The following SAMD9 variants were observed in gnomAD, a reference collection of about 807,000 sequenced individuals.
SAMD9 encodes the protein sterile alpha motif domain containing 9.
A neutral mutation model predicts 1.5 loss-of-function variants in SAMD9; 3 were observed. That is an observed-to-expected ratio of 2.05 (90% CI 0.93 to 5.29). SAMD9 has a LOEUF of 5.29. Among genes scored for constraint, SAMD9 ranks in the 30% most tolerant of loss-of-function variants. SAMD9 has a pLI of 0.02. For missense variants in SAMD9, 1,597 were observed against 1,820.8 expected, an observed-to-expected ratio of 0.88 and a Z score of 2.24; for synonymous variants, 635 against 631.9, an observed-to-expected ratio of 1.00 and a Z score of -0.07.
At chr7:93,109,695 G>T (rs1791706376) in intron 2 of SAMD9, among the ~76,000 whole-genome samples, 1 of 152,210 alleles carries the variant, frequency 6.6e-6, no homozygotes, top group Non-Finnish European at 1.5e-5. Flanking sequence ...TCAAGTGGAA[G>T]AAAGGGTATC....
chr7:93,102,364 T>G lies in SAMD9; in HGVS notation c.3734A>C (p.Glu1245Ala). The change falls in exon 3 of 3, where the codon GAA (glutamate) becomes GCA (alanine). Residue 1245 changes from glutamate to alanine, a missense_variant. Physicochemically the swap from Glu to Ala is moderately radical, Grantham distance 107 (BLOSUM62 -1). This residue lies in a region of SAMD9 where 682 missense variants were observed against 810.0 expected (regional missense o/e 0.84). Coordinates refer to ENST00000379958, the MANE Select transcript of SAMD9 (RefSeq NM_017654.4). ...ATAGTTTTTGAGGGCTAATTTATAT[T>G]CATTGTTTGGATCCCCTGGAATATC... is the stretch of plus-strand genomic sequence containing the variant. Reference protein sequence around the residue: ...SSDIPGDPNNEYKLALKNYIP... With the variant: ...SSDIPGDPNNAYKLALKNYIP... 6.2e-7 allele frequency: 1 copy of G among 1,608,870 alleles called. No individual in the cohort carries two copies. Among genetic ancestry groups the G allele is most frequent in the South Asian group, 1.1e-5 (1 of 90,790 alleles).
In SAMD9 at chr7:93,103,604, T is replaced by A. The variant is rs1189365918; in HGVS notation, c.2494A>T (p.Ile832Phe). ...YIRYEKPLVI[I>F]LNCMRSQNPE... ...TTTTGTGATCTCATACAATTTAGGATAATCACCAGAGGTTTTTCATATCGA... is the reference window on the plus strand; with the variant it reads ...TTTTGTGATCTCATACAATTTAGGAAAATCACCAGAGGTTTTTCATATCGA... The change falls in exon 3 of 3, where the codon ATC becomes TTC. Residue 832 changes from isoleucine to phenylalanine, a missense_variant. By Grantham distance (21) the Ile-to-Phe change is conservative. Transcript: ENST00000379958. 1.2e-6 allele frequency: 2 copies of A among 1,613,516 alleles called. No homozygotes were observed. The highest frequency in any genetic ancestry group is 1.7e-6 in the Non-Finnish European group (2 of 1,179,678).
chr7:93,114,042 A>G (rs1210917021), intron 2 of SAMD9, among the ~76,000 whole-genome samples: 2 of 152,136 alleles, frequency 1.3e-5, no homozygotes, highest in Non-Finnish European at 2.9e-5. Context: ...AAGACTTGGA[A>G]CCAACCCAAA....
intron 1 of SAMD9, among the ~76,000 whole-genome samples, chr7:93,117,077 T>C (rs951710067): frequency 2.6e-5 from 4 of 152,188 alleles, no homozygotes; most frequent in African/African-American, 9.7e-5. Context: ...AGACTTCCCA[T>C]AGTAGTCTAT....
chr7:93,110,045 G>T (rs1178147889), intron 2 of SAMD9, among the ~76,000 whole-genome samples: 1 of 152,096 alleles, frequency 6.6e-6, no homozygotes, highest in Non-Finnish European at 1.5e-5. Context: ...AAATATTAAG[G>T]GCAGCCAGAA....
chr7:93,115,038 G>A (rs1357080951), intron 1 of SAMD9, 143 bp from the exon 2 acceptor site: 2 of 152,256 alleles, frequency 1.3e-5, no homozygotes, highest in South Asian at 2.1e-4. Context: ...TTTGGGGTTG[G>A]GTTTAAGGAT....
intron 2 of SAMD9, among the ~76,000 whole-genome samples, chr7:93,109,514 T>C (rs1791703060): frequency 6.6e-6 from 1 of 152,178 alleles, no homozygotes; most frequent in South Asian, 2.1e-4. Flanking sequence ...TTCTCTGAGC[T>C]AAAGGAGGAT....
rs1158393438 is a variant in SAMD9 at position 93,101,508 on chromosome 7, TA to T, written c.4589del (p.Leu1530TyrfsTer12). On this transcript the variant is annotated frameshift_variant, in exon 3 of 3. Coordinates refer to ENST00000379958, the MANE Select transcript of SAMD9 (RefSeq NM_017654.4). LOFTEE classifies it low-confidence loss of function (END_TRUNC). ...AACAATTGTTTTCAGCTCGACCTTGTAAACGAAGCAAAAGTTCTTGGACTTT... is the reference window on the plus strand; with the variant it reads ...AACAATTGTTTTCAGCTCGACCTTGTAACGAAGCAAAAGTTCTTGGACTTT... Reference protein sequence around the residue: ...EEKVQELLLRLQGRAENNCLY... With the variant: ...EEKVQELLLRXQGRAENNCLY... The T allele has an allele frequency of 5.0e-6, 8 of 1,613,840 alleles. No homozygotes were observed. The highest frequency in any genetic ancestry group is 6.8e-6 in the Non-Finnish European group (8 of 1,179,780).
In SAMD9 at chr7:93,104,082, G is replaced by A. The variant is rs1791586463; in HGVS notation, c.2016C>T (p.Phe672=). Residue 672 remains phenylalanine, a synonymous_variant, in exon 3 of 3, where the codon TTC becomes TTT. Coordinates refer to ENST00000379958, the MANE Select transcript of SAMD9 (RefSeq NM_017654.4). ...GTLLEKDKNK[F]LEFKASKEED... ...CCTCTTTTGATGCCTTGAATTCAAG[G>A]AATTTATTTTTGTCCTTCTCTAACA... 6.2e-7 allele frequency: 1 copy of A among 1,613,874 alleles called. No homozygotes were observed. The highest frequency in any genetic ancestry group is 1.7e-5 in the Admixed American group (1 of 60,006).
At chr7:93,117,425 G>T (rs1463092679) in intron 1 of SAMD9, among the ~76,000 whole-genome samples, 1 of 151,866 alleles carries the variant, frequency 6.6e-6, no homozygotes, top group Admixed American at 6.6e-5. Flanking sequence ...CTGCAGCTGC[G>T]TGCCACCACA....
At position 93,106,032 on chromosome 7, in the gene SAMD9, C is replaced by T; in HGVS notation, c.66G>A (p.Trp22Ter). The T allele has an allele frequency of 1.3e-6, 2 of 1,591,054 alleles. No individual in the cohort carries two copies. Among genetic ancestry groups the T allele is most frequent in the East Asian group, 4.5e-5 (2 of 44,736 alleles). ...TTTGGTCAATCTTATGACTTTCTAACCACTGATTTACATCCTCTTTTGTCC... is the reference window on the plus strand; with the variant it reads ...TTTGGTCAATCTTATGACTTTCTAATCACTGATTTACATCCTCTTTTGTCC... ...DDWTKEDVNQ[W>*]LESHKIDQKH... Residue 22 changes from tryptophan to a stop codon, truncating the protein, a stop_gained, in exon 3 of 3, where the codon TGG becomes TGA. Transcript: ENST00000379958. LOFTEE classifies it low-confidence loss of function (END_TRUNC).
intron 2 of SAMD9, among the ~76,000 whole-genome samples, chr7:93,114,337 A>G (rs1791799063): frequency 6.6e-6 from 1 of 151,472 alleles, no homozygotes; most frequent in Admixed American, 6.6e-5. Flanking sequence ...ATTAGGAGAT[A>G]TACCTAATGT....
At position 93,104,097 on chromosome 7, in the gene SAMD9, C is replaced by T. The variant is rs1280062064; in HGVS notation, c.2001G>A (p.Lys667=). Residue 667 remains lysine (K), a synonymous_variant, in exon 3 of 3, where the codon AAG becomes AAA. Transcript: ENST00000379958. ...TGAATTCAAGGAATTTATTTTTGTC[C>T]TTCTCTAACAGTGTACCCTCACATT... The part of the protein sequence containing the change: ...ENECEGTLLE[K]DKNKFLEFKA... 1.9e-6 allele frequency: 3 copies of T among 1,613,706 alleles called. No individual in the cohort carries two copies. In the African/African-American group the frequency reaches 4.0e-5, roughly 22 times the overall value.
rs1334856918 is a variant in SAMD9, at chr7:93,102,839, CT to C, written c.3258del (p.Ala1087ArgfsTer17). On this transcript the variant is annotated frameshift_variant, in exon 3 of 3. Coordinates refer to ENST00000379958, the MANE Select transcript of SAMD9 (RefSeq NM_017654.4). LOFTEE classifies it low-confidence loss of function (END_TRUNC). ...HRFNPNAFIC[Q>X]ALARHFYIKK... ...TTAATGTAGAAATGTCTTGCCAACG[CT>C]TGGCAAATGAATGCATTTGGGTTGA... is the stretch of plus-strand genomic sequence containing the variant. The C allele has an allele frequency of 3.7e-6, 6 of 1,613,814 alleles. No individual in the cohort carries two copies. The highest frequency in any genetic ancestry group is 5.1e-6 in the Non-Finnish European group (6 of 1,179,786).
rs1181660995 is a variant in SAMD9, at chr7:93,101,601, G to A, written c.4497C>T (p.Asp1499=). 1.9e-6 allele frequency: 3 copies of A among 1,613,772 alleles called. No individual in the cohort carries two copies. Among genetic ancestry groups the A allele is most frequent in the Non-Finnish European group, 2.5e-6 (3 of 1,179,800 alleles). ...TATCTGGTGTCTTCTTAAAGCACTGGTCAATTTTTCCTTTGTGAACAAGTC... is the reference window on the plus strand; with the variant it reads ...TATCTGGTGTCTTCTTAAAGCACTGATCAATTTTTCCTTTGTGAACAAGTC... ...LERLVHKGKI[D]QCFKKTPDIN... Residue 1499 remains aspartate, a synonymous_variant, in exon 3 of 3, where the codon GAC becomes GAT. Transcript: ENST00000379958.
At position 93,103,138 on chromosome 7, in the gene SAMD9, A is replaced by G. The variant is rs1290938428; in HGVS notation, c.2960T>C (p.Leu987Ser). 4 of 1,613,724 alleles carry G rather than the reference A, an allele frequency of 2.5e-6. No homozygotes were observed. The Admixed American group carries it at 5.0e-5, about 20-fold the overall frequency. The change falls in exon 3 of 3, where the codon TTG becomes TCG. Residue 987 changes from leucine (L) to serine (S), a missense_variant. Physicochemically the swap from Leu to Ser is moderately radical, Grantham distance 145 (BLOSUM62 -2). Transcript: ENST00000379958. ...TTCTTCCAGTGAGAACTCTGCAATCAAAGAGTGAATGATGCGTACTCCACA... is the reference window on the plus strand; with the variant it reads ...TTCTTCCAGTGAGAACTCTGCAATCGAAGAGTGAATGATGCGTACTCCACA... ...NYCGVRIIHS[L>S]IAEFSLEELK...
At position 93,104,549 on chromosome 7, in the gene SAMD9, T is replaced by C. The variant is rs1489295108; in HGVS notation, c.1549A>G (p.Arg517Gly). 3 of 1,613,936 alleles carry C rather than the reference T, an allele frequency of 1.9e-6. No homozygotes were observed. Among genetic ancestry groups the C allele is most frequent in the African/African-American group, 1.3e-5 (1 of 74,934 alleles). Residue 517 changes from arginine (R) to glycine (G), a missense_variant, in exon 3 of 3, where the codon AGA becomes GGA. By Grantham distance (125) the Arg-to-Gly change is moderately radical. This residue lies in a region of SAMD9 where 358 missense variants were observed against 460.4 expected (regional missense o/e 0.78). Coordinates refer to ENST00000379958, the MANE Select transcript of SAMD9 (RefSeq NM_017654.4). ...PFDPSSWQRE[R>G]ASDVRKLISF... ...ATCAGTTTCCTGACATCAGAAGCTC[T>C]TTCTCTTTGCCAGGAACTTGGATCA... is the stretch of plus-strand genomic sequence containing the variant.
At chr7:93,106,229 A>C (rs1258177409) in intron 2 of SAMD9, 124 bp from the exon 3 acceptor site, 1 of 549,200 alleles carries the variant, frequency 1.8e-6, no homozygotes, top group Non-Finnish European at 3.0e-6. Context: ...CCAATGAATT[A>C]TCTCTTGAGA....
In SAMD9 at chr7:93,105,165, T is replaced by C. The variant is rs1246647789; in HGVS notation, c.933A>G (p.Pro311=). The C allele has an allele frequency of 1.2e-6, 2 of 1,613,552 alleles. No individual in the cohort carries two copies. The highest frequency in any genetic ancestry group is 2.2e-5 in the East Asian group (1 of 44,866). The part of the protein sequence containing the change: ...DRFVIEVDII[P]QFSECQYDYF... ...AATCATATTGGCATTCAGAGAACTG[T>C]GGAATAATGTCCACTTCAATAACAA... Residue 311 remains proline (P), a synonymous_variant, in exon 3 of 3, where the codon CCA becomes CCG. Coordinates refer to ENST00000379958, the MANE Select transcript of SAMD9 (RefSeq NM_017654.4).
Sources: allele counts gnomAD v4.1 joint callset (sites outside exome capture counted in the v4.1 genomes callset), GRCh38; gene constraint gnomAD v4.1.1; regional missense constraint gnomAD v4.1.1; transcripts MANE v1.5; gene names NCBI Gene and HGNC (gene_info 2026-07-23, HGNC 2026-07-21).